Variants in DMD observed in about 807,000 individuals in gnomAD.
The protein encoded by DMD is dystrophin.
Under a neutral mutation model 330.1 loss-of-function variants are expected in DMD, and 63 were observed. The ratio of observed to expected loss-of-function variants is 0.19; its 90% confidence interval spans 0.16 to 0.24. DMD has a LOEUF of 0.24. Ranked by LOEUF, DMD falls within the 10% of genes least tolerant of loss-of-function variation. The pLI is 1.00. For synonymous variants in DMD, 1,223 were observed against 959.8 expected, an observed-to-expected ratio of 1.27 and a Z score of -5.07; for missense variants, 3,344 against 2,684.1, an observed-to-expected ratio of 1.25 and a Z score of -5.43.
chrX:32,758,947 A>C (rs2071875110), intron 7 of DMD, among the ~76,000 whole-genome samples: 1 of 112,050 alleles, frequency 8.9e-6, no homozygotes, highest in African/African-American at 3.2e-5. Flanking sequence ...CTTCATCTGT[A>C]TGTTTTTCCT....
At chrX:32,970,648 A>C (rs1408196935) in intron 2 of DMD, among the ~76,000 whole-genome samples, 1 of 91,539 alleles carries the variant, frequency 1.1e-5, no homozygotes, top group Non-Finnish European at 2.0e-5. Flanking sequence ...AATACTGATA[A>C]TGATAATGAT....
chrX:33,195,701 T>C (rs2148811147), intron 1 of DMD, among the ~76,000 whole-genome samples: 1 of 108,287 alleles, frequency 9.2e-6, no homozygotes, highest in Admixed American at 1.0e-4. Flanking sequence ...CAAAAAAGTA[T>C]CTACTTAGGA....
chrX:31,453,077 T>C (rs1402978574), intron 59 of DMD, among the ~76,000 whole-genome samples: 1 of 111,897 alleles, frequency 8.9e-6, no homozygotes, highest in Non-Finnish European at 1.9e-5. Flanking sequence ...GAAATGAGTA[T>C]TCAGATTTAT....
intron 52 of DMD, among the ~76,000 whole-genome samples, chrX:31,716,117 C>A (rs763543657): frequency 8.9e-6 from 1 of 112,615 alleles, no homozygotes; most frequent in Non-Finnish European, 1.9e-5. Flanking sequence ...GACACAACAA[C>A]GTTGAAATTC....
intron 55 of DMD, among the ~76,000 whole-genome samples, chrX:31,535,754 T>C (rs924651528): frequency 3.6e-5 from 4 of 112,090 alleles, no homozygotes; most frequent in Non-Finnish European, 5.6e-5. Flanking sequence ...GGTAGGACTA[T>C]AGTTTGCCAT....
intron 62 of DMD, among the ~76,000 whole-genome samples, chrX:31,298,592 G>C (rs986047453): frequency 2.7e-5 from 3 of 111,900 alleles, no homozygotes; most frequent in Non-Finnish European, 3.8e-5. Flanking sequence ...TTCACCAGAG[G>C]ATCTAACAGC....
chrX:32,110,369 A>G (rs1057317839), intron 44 of DMD, among the ~76,000 whole-genome samples: 1 of 112,132 alleles, frequency 8.9e-6, no homozygotes, highest in Non-Finnish European at 1.9e-5. Flanking sequence ...TAGTTTCCAC[A>G]GTAAAAAAAG....
At chrX:32,944,615 T>TTC (rs1168746068) in intron 2 of DMD, among the ~76,000 whole-genome samples, 1 of 109,433 alleles carries the variant, frequency 9.1e-6, no homozygotes, top group East Asian at 2.9e-4. Flanking sequence ...AGATTTTTTT[T>TTC]TTTTTTTTAT....
At chrX:32,009,547 G>T (rs1025545642) in intron 44 of DMD, among the ~76,000 whole-genome samples, 2 of 111,816 alleles carry the variant, frequency 1.8e-5, no homozygotes, top group Admixed American at 9.6e-5. Context: ...AAAATGGACA[G>T]AGATTACTAT....
At chrX:31,894,278 G>A (rs373957875) in intron 47 of DMD, among the ~76,000 whole-genome samples, 10 of 112,043 alleles carry the variant, frequency 8.9e-5, no homozygotes, top group Admixed American at 1.9e-4. Flanking sequence ...CTCCAAAGCC[G>A]GGACTCCTGC....
chrX:31,535,808 T>C (rs1320359195), intron 55 of DMD, among the ~76,000 whole-genome samples: 2 of 111,782 alleles, frequency 1.8e-5, no homozygotes, highest in Non-Finnish European at 3.8e-5. Context: ...GATGCAGTGA[T>C]GAACATGACA....
intron 51 of DMD, among the ~76,000 whole-genome samples, chrX:31,737,174 T>C (rs1054944872): frequency 1.8e-5 from 2 of 111,734 alleles, no homozygotes; most frequent in African/African-American, 3.2e-5. Flanking sequence ...ACTTCTAACA[T>C]AGGTAAGTTG....
chrX:32,391,137 T>G (rs955773005), intron 30 of DMD, among the ~76,000 whole-genome samples: 4 of 111,798 alleles, frequency 3.6e-5, no homozygotes, highest in African/African-American at 1.3e-4. Context: ...TATTTATTTA[T>G]TTCTGTCAAA....
intron 29 of DMD, among the ~76,000 whole-genome samples, chrX:32,425,974 C>G (rs1414505460): frequency 9.0e-6 from 1 of 111,702 alleles, no homozygotes; most frequent in African/African-American, 3.3e-5. Context: ...ATACAAAAAT[C>G]AACTCAAGAT....
intron 52 of DMD, among the ~76,000 whole-genome samples, chrX:31,725,097 T>A (rs1163292513): frequency 8.9e-6 from 1 of 111,890 alleles, no homozygotes; most frequent in East Asian, 2.8e-4. Flanking sequence ...CTTTTCCATT[T>A]GATGTGCCTC....
At chrX:32,474,314 C>T (rs2040996202) in intron 21 of DMD, among the ~76,000 whole-genome samples, 1 of 111,450 alleles carries the variant, frequency 9.0e-6, no homozygotes, top group Non-Finnish European at 1.9e-5. Flanking sequence ...GTGAACTGTG[C>T]TGCTATAAAC....
intron 44 of DMD, among the ~76,000 whole-genome samples, chrX:31,980,446 T>C (rs1427111033): frequency 2.7e-5 from 3 of 112,183 alleles, no homozygotes; most frequent in Non-Finnish European, 5.6e-5. Flanking sequence ...TATGATTTCA[T>C]TTATACAAAT....
intron 61 of DMD, among the ~76,000 whole-genome samples, chrX:31,326,616 A>C (rs2056804982): frequency 9.1e-6 from 1 of 109,952 alleles, no homozygotes; most frequent in Non-Finnish European, 1.9e-5. Context: ...AAAGGAAAAT[A>C]ACAACAGCCT....
intron 1 of DMD, among the ~76,000 whole-genome samples, chrX:33,044,080 C>T (rs1014951755): frequency 9.9e-5 from 11 of 111,095 alleles, no homozygotes; most frequent in South Asian, 3.8e-4. Flanking sequence ...CTTTCATGGG[C>T]GTTCCTACAG....
Sources: gnomAD v4.1 joint callset for allele counts (sites outside exome capture counted in the v4.1 genomes callset) on GRCh38, gnomAD v4.1.1 for gene constraint, MANE v1.5 for transcripts, NCBI Gene and HGNC (gene_info 2026-07-23, HGNC 2026-07-21) for gene names.